The following ILDR1 variants were observed in gnomAD, a reference collection of about 807,000 sequenced individuals.
ILDR1 encodes the protein immunoglobulin like domain containing receptor 1, also known as immunoglobulin-like domain-containing receptor 1.
A neutral mutation model predicts 62.4 loss-of-function variants in ILDR1; 56 were observed. The ratio of observed to expected loss-of-function variants is 0.90; its 90% CI spans 0.72 to 1.12. ILDR1 has a LOEUF of 1.12. Ranked by LOEUF, ILDR1 falls within the 50% of genes most tolerant of loss-of-function variation. The probability of loss-of-function intolerance (pLI) is 0.00; values close to 1 mark genes in which losing one functional copy is unlikely to be tolerated. For synonymous variants in ILDR1, 284 were observed against 277.8 expected (o/e 1.02, Z -0.22); for missense variants, 736 against 710.6 (o/e 1.04, Z -0.41).
intron 1 of ILDR1, among the ~76,000 whole-genome samples, chr3:122,020,024 C>T (rs1166726451): frequency 2.0e-5 from 3 of 152,174 alleles, no homozygotes; most frequent in African/African-American, 7.2e-5. Flanking sequence ...AGTAATCCAT[C>T]CAAAGTCACA....
At chr3:122,049,722 G>A in the ILDR1 span, among the ~76,000 whole-genome samples, 1,906 of 152,266 alleles carry the variant, frequency 0.013, 41 homozygotes, top group African/African-American at 0.043. Context: ...TCCCCATTGT[G>A]GTGGTTTTAA....
chr3:122,036,780 T>A, the ILDR1 span, among the ~76,000 whole-genome samples: 2 of 152,320 alleles, frequency 1.3e-5, no homozygotes, highest in Middle Eastern at 3.4e-3. Flanking sequence ...TTTCAGAGAC[T>A]TTCATAGCAG....
At chr3:122,037,847 A>G in the ILDR1 span, among the ~76,000 whole-genome samples, 15 of 152,124 alleles carry the variant, frequency 9.9e-5, no homozygotes, top group East Asian at 1.9e-4. Flanking sequence ...CATGGGGCAG[A>G]TTTCCTCCTT....
intron 4 of ILDR1, 42 bp from the exon 5 acceptor site, chr3:122,001,496 G>T: frequency 6.2e-7 from 1 of 1,607,348 alleles, no homozygotes; most frequent in African/African-American, 1.3e-5. Context: ...TAAATATTCA[G>T]GGGGAGGGAA....
the ILDR1 span, among the ~76,000 whole-genome samples, chr3:122,052,717 T>G: frequency 6.6e-6 from 1 of 152,204 alleles, no homozygotes; most frequent in Non-Finnish European, 1.5e-5. Context: ...GGGAGGAATG[T>G]GCCAGCATGC....
chr3:121,987,669 C>T lies in ILDR1; in HGVS notation c.*698G>A, dbSNP rs2071271836. 1 of 156,684 alleles carries T rather than the reference C, an allele frequency of 6.4e-6. No individual in the cohort carries two copies. The highest frequency in any genetic ancestry group is 1.9e-4 in the South Asian group (1 of 5,194). 9.7% of individuals were successfully genotyped at this position (156,684 alleles called of 1,614,324 possible). The stretch of plus-strand genomic sequence containing the variant: ...TGTCCCTATAATACTCCATAGATTT[C>T]CTTTTCCTGAAACATGTTTGATTTC... On this transcript the variant is annotated 3_prime_UTR_variant, in exon 8 of 8. Transcript: ENST00000344209.
intron 7 of ILDR1, among the ~76,000 whole-genome samples, chr3:121,992,092 G>C (rs2071357065): frequency 6.6e-6 from 1 of 152,160 alleles, no homozygotes; most frequent in Non-Finnish European, 1.5e-5. Context: ...ACATATCTTT[G>C]CAAAGTGGCA....
Position 121,996,761 on chromosome 3 carries a change from G to C in ILDR1, c.647-2448C>G, listed in dbSNP as rs545602638. 2.3e-4 allele frequency among the ~76,000 whole-genome samples: 35 copies of C among 152,330 alleles called. No individual in the cohort carries two copies. In the South Asian group the frequency reaches 7.1e-3, roughly 31 times the overall value. On this transcript the variant is annotated intron_variant, in intron 5 of 7. Transcript: ENST00000344209. ...GCAAGAAAATTTGTATTTTCAACAA[G>C]CTCCCTGTTCCAATAATGTAGGAGT...
intron 1 of ILDR1, among the ~76,000 whole-genome samples, chr3:122,020,769 G>A (rs1288170721): frequency 6.6e-6 from 1 of 152,170 alleles, no homozygotes; most frequent in Non-Finnish European, 1.5e-5. Context: ...TTGAGGTGAG[G>A]TTTAGTTATT....
intron 7 of ILDR1, among the ~76,000 whole-genome samples, chr3:121,990,542 AAGAAATAAAGTCACC>A (rs905779350): frequency 2.0e-5 from 3 of 152,184 alleles, no homozygotes; most frequent in African/African-American, 7.2e-5. Context: ...GAAAATTAGG[AAGAAATAAAGTCACC>A]AGAAGATATC....
intron 1 of ILDR1, among the ~76,000 whole-genome samples, chr3:122,021,729 G>C (rs1440656018): frequency 6.6e-6 from 1 of 152,232 alleles, no homozygotes; most frequent in Non-Finnish European, 1.5e-5. Flanking sequence ...TATCAGTTCA[G>C]CTTCAGAGAT....
the ILDR1 span, among the ~76,000 whole-genome samples, chr3:122,058,920 A>C: frequency 6.6e-6 from 1 of 152,136 alleles, no homozygotes; most frequent in African/African-American, 2.4e-5. Flanking sequence ...ATATTTTAGC[A>C]CCAGAATTGA....
At chr3:122,022,301 C>A, upstream of ILDR1, 1 of 442,258 alleles carries the variant, frequency 2.3e-6, no homozygotes, top group South Asian at 4.1e-5. Context: ...CCCCGCGCGC[C>A]GCCGTTTCCT....
At chr3:122,008,593 C>CTTTTCTT (rs1458259700) in intron 1 of ILDR1, among the ~76,000 whole-genome samples, 3 of 80,110 alleles carry the variant, frequency 3.7e-5, no homozygotes, top group African/African-American at 1.1e-4. Context: ...CTTTTCTTTT[C>CTTTTCTT]TTTTTTTTTT....
chr3:122,050,179 CA>C, the ILDR1 span, among the ~76,000 whole-genome samples: 1 of 152,176 alleles, frequency 6.6e-6, no homozygotes, highest in Non-Finnish European at 1.5e-5. Context: ...ATCTTGTAGA[CA>C]GTGCATAGTT....
At chr3:122,027,539 C>A in the ILDR1 span, among the ~76,000 whole-genome samples, 3 of 152,182 alleles carry the variant, frequency 2.0e-5, no homozygotes, top group African/African-American at 4.8e-5. Context: ...ATATTGTGTT[C>A]TTGGATAAGA....
chr3:122,022,289 C>A (rs1301382695), upstream of ILDR1: 2 of 448,198 alleles, frequency 4.5e-6, no homozygotes, highest in Non-Finnish European at 7.8e-6. Context: ...CTCCGCCTCC[C>A]GCCCCGCGCG....
In ILDR1 at chr3:122,022,214, A is replaced by G; in HGVS notation, c.-137T>C. On this transcript the variant is annotated 5_prime_UTR_variant, in exon 1 of 8. Coordinates refer to ENST00000344209, the MANE Select transcript of ILDR1 (RefSeq NM_001199799.2). ...CCCTCCCTCGGCGCAGCGGGGAGGGAGCGTCCGCTCTGGTCCCGGGGCAGG... is the reference window on the plus strand; with the variant it reads ...CCCTCCCTCGGCGCAGCGGGGAGGGGGCGTCCGCTCTGGTCCCGGGGCAGG... The G allele has an allele frequency of 1.3e-6, 1 of 752,072 alleles. No individual in the cohort carries two copies. The highest frequency in any genetic ancestry group is 2.1e-6 in the Non-Finnish European group (1 of 471,800). The allele number at this position is 752,072 out of a possible 1,614,324, so 46.6% of individuals were successfully genotyped here.
At chr3:122,057,922 C>G in the ILDR1 span, among the ~76,000 whole-genome samples, 1 of 152,212 alleles carries the variant, frequency 6.6e-6, no homozygotes, top group Non-Finnish European at 1.5e-5. Flanking sequence ...TAAGTGGCCG[C>G]ACATTGAAGC....
Sources: gnomAD v4.1 joint callset for allele counts (sites outside exome capture counted in the v4.1 genomes callset) on GRCh38, gnomAD v4.1.1 for gene constraint, MANE v1.5 for transcripts, NCBI Gene and HGNC (gene_info 2026-07-23, HGNC 2026-07-21) for gene names.